FNIP1: variants seen among roughly 807,000 people sequenced by gnomAD.
The protein encoded by FNIP1 is folliculin-interacting protein 1.
In FNIP1, 40 loss-of-function variants were observed where a neutral mutation model predicts 124.5. The ratio of observed to expected loss-of-function variants is 0.32; its 90% CI spans 0.25 to 0.42. The LOEUF is 0.42. FNIP1 is among the 10% of genes least tolerant of loss of function. The pLI, the probability that FNIP1 is intolerant of heterozygous loss-of-function variation, is 1.00. For synonymous variants in FNIP1, 472 were observed against 470.6 expected (o/e 1.00, Z -0.04); for missense variants, 1,176 against 1,403.7 (o/e 0.84, Z 2.59).
At chr5:131,762,052 T>C (rs904814584) in intron 1 of FNIP1, among the ~76,000 whole-genome samples, 3 of 152,136 alleles carry the variant, frequency 2.0e-5, no homozygotes, top group African/African-American at 7.2e-5. Flanking sequence ...TGGATATCCA[T>C]ATGCAGAAGA....
intron 1 of FNIP1, among the ~76,000 whole-genome samples, chr5:131,764,581 G>A (rs1011312837): frequency 6.6e-6 from 1 of 151,856 alleles, no homozygotes; most frequent in East Asian, 1.9e-4. Context: ...CTGGATTAGG[G>A]GTGTCAGGCC....
Position 131,643,909 on chromosome 5 carries a change from T to C in FNIP1, c.*776A>G, listed in dbSNP as rs1485258142. Reference sequence around the variant, plus strand: ...ACAGTTCATACTTATAAACAAATGGTATAAAGTAGTATTCTCATTTTGGGA... The same window carrying C: ...ACAGTTCATACTTATAAACAAATGGCATAAAGTAGTATTCTCATTTTGGGA... On this transcript the variant is annotated 3_prime_UTR_variant, in exon 18 of 18. Transcript: ENST00000510461. 6.6e-6 allele frequency: 1 copy of C among 152,530 alleles called. No homozygotes were observed. Among genetic ancestry groups the C allele is most frequent in the African/African-American group, 2.4e-5 (1 of 41,420 alleles). The allele number at this position is 152,530 out of a possible 1,614,324, so 9.4% of individuals were successfully genotyped here.
chr5:131,681,762 TAAAA>T (rs34881164), intron 11 of FNIP1, among the ~76,000 whole-genome samples: 1 of 109,426 alleles, frequency 9.1e-6, no homozygotes, highest in African/African-American at 3.8e-5. Flanking sequence ...TGCCAATTTC[TAAAA>T]AAAAAAAAAA....
Position 131,796,955 on chromosome 5 carries a change from GGC to G in FNIP1, c.-36_-35del. On this transcript the variant is annotated 5_prime_UTR_variant, in exon 1 of 18. Coordinates refer to ENST00000510461, the MANE Select transcript of FNIP1 (RefSeq NM_133372.3). ...CGGCCAGGCAGGGGTCGCTCCGCTG[GGC>G]GCTTGCTAGGCCCCTGCTCCTACAG... 6.4e-7 allele frequency: 1 copy of G among 1,564,878 alleles called. No homozygotes were observed. The highest frequency in any genetic ancestry group is 8.7e-7 in the Non-Finnish European group (1 of 1,153,386).
intron 1 of FNIP1, chr5:131,796,507 A>G: frequency 2.7e-6 from 1 of 369,532 alleles, no homozygotes; most frequent in Non-Finnish European, 4.9e-6. Flanking sequence ...ACTCGGTGCC[A>G]GGAAGGCGTG....
intron 1 of FNIP1, among the ~76,000 whole-genome samples, chr5:131,748,141 G>T (rs1031701347): frequency 6.6e-5 from 10 of 152,136 alleles, no homozygotes; most frequent in Admixed American, 2.6e-4. Flanking sequence ...GAGAATAGCA[G>T]TTGTTGGGAA....
chr5:131,649,713 G>A (rs1202530075), intron 16 of FNIP1, among the ~76,000 whole-genome samples: 1 of 152,128 alleles, frequency 6.6e-6, no homozygotes, highest in Non-Finnish European at 1.5e-5. Flanking sequence ...AATTCAAGAA[G>A]TCACTGTCAT....
intron 1 of FNIP1, among the ~76,000 whole-genome samples, chr5:131,782,589 A>G (rs1772031451): frequency 6.6e-6 from 1 of 151,936 alleles, no homozygotes; most frequent in South Asian, 2.1e-4. Context: ...AAAGAAAGAA[A>G]AAGAGAAAGG....
rs139646418 is a variant in FNIP1, at chr5:131,769,489, C to A, written c.93-24799G>T. Among the ~76,000 whole-genome samples, 567 of 152,244 alleles carry A rather than the reference C, an allele frequency of 3.7e-3. 4 individuals are homozygous for A. The highest frequency in any genetic ancestry group is 0.013 in the African/African-American group (537 of 41,542). On this transcript the variant is annotated intron_variant, in intron 1 of 17. Transcript: ENST00000510461. ...CTTAAGCAGTTCCACTTTTCAAAATCCCTAAAAACTCCAGTCATGCACAAC... is the reference window on the plus strand; with the variant it reads ...CTTAAGCAGTTCCACTTTTCAAAATACCTAAAAACTCCAGTCATGCACAAC...
At position 131,763,288 on chromosome 5, in the gene FNIP1, TACACACACAC is replaced by T. The variant is rs34544569; in HGVS notation, c.93-18608_93-18599del. Among the ~76,000 whole-genome samples the T allele has an allele frequency of 1.4e-3, 211 of 148,462 alleles. 1 individual carries two copies. The highest frequency in any genetic ancestry group is 4.6e-3 in the East Asian group (23 of 4,996). ...ATCTCACATACTTTGCAAATGCAAATACACACACACACACACACACACACACACACACACA... is the reference window on the plus strand; with the variant it reads ...ATCTCACATACTTTGCAAATGCAAATACACACACACACACACACACACACA... On this transcript the variant is annotated intron_variant, in intron 1 of 17. Transcript: ENST00000510461.
chr5:131,644,459 G>A lies in FNIP1; in HGVS notation c.*226C>T. ...TTTCAAATGCTTCAAAATTATTGTTGCTTTAATTTCATTTGTTTAAAAATC... is the reference window on the plus strand; with the variant it reads ...TTTCAAATGCTTCAAAATTATTGTTACTTTAATTTCATTTGTTTAAAAATC... On this transcript the variant is annotated 3_prime_UTR_variant, in exon 18 of 18. Coordinates refer to ENST00000510461, the MANE Select transcript of FNIP1 (RefSeq NM_133372.3). 1 of 365,750 alleles carries A rather than the reference G, an allele frequency of 2.7e-6. No individual in the cohort carries two copies. The highest frequency in any genetic ancestry group is 5.0e-6 in the Non-Finnish European group (1 of 201,052). 22.7% of individuals were successfully genotyped at this position (365,750 alleles called of 1,614,324 possible).
intron 11 of FNIP1, among the ~76,000 whole-genome samples, chr5:131,691,086 C>T (rs1768464516): frequency 6.6e-6 from 1 of 152,090 alleles, no homozygotes; most frequent in South Asian, 2.1e-4. Flanking sequence ...GAACATTTGC[C>T]AAAATGGACC....
At chr5:131,677,986 CA>C in intron 12 of FNIP1, 114 bp from the exon 13 acceptor site, 29 of 927,274 alleles carry the variant, frequency 3.1e-5, no homozygotes, top group South Asian at 6.2e-5. Flanking sequence ...CAAATGGCAC[CA>C]AAAAAAGGAG....
At chr5:131,746,578 C>T (rs1425377647) in intron 1 of FNIP1, among the ~76,000 whole-genome samples, 2 of 152,170 alleles carry the variant, frequency 1.3e-5, no homozygotes, top group East Asian at 3.8e-4. Flanking sequence ...CCTCCAGCTG[C>T]CTTCGTGTTG....
intron 1 of FNIP1, among the ~76,000 whole-genome samples, chr5:131,747,705 T>C (rs1225647705): frequency 6.6e-6 from 1 of 152,128 alleles, no homozygotes; most frequent in African/African-American, 2.4e-5. Context: ...AGAGGTCAGA[T>C]TCTAGGGGAC....
chr5:131,728,943 C>T lies in FNIP1; in HGVS notation c.354+1961G>A, dbSNP rs573485368. Among the ~76,000 whole-genome samples the T allele has an allele frequency of 7.2e-5, 11 of 152,254 alleles. No homozygotes were observed. The East Asian group carries it at 1.2e-3, about 16-fold the overall frequency. ...TTTCCTTCTACCAGTCAGGCCCCTCCGCTGCAGGTCTGCTGGTGTTTGCTG... is the reference window on the plus strand; with the variant it reads ...TTTCCTTCTACCAGTCAGGCCCCTCTGCTGCAGGTCTGCTGGTGTTTGCTG... On this transcript the variant is annotated intron_variant, in intron 3 of 17. Coordinates refer to ENST00000510461, the MANE Select transcript of FNIP1 (RefSeq NM_133372.3).
intron 13 of FNIP1, chr5:131,677,461 T>C (rs1027444578): frequency 5.0e-6 from 2 of 402,650 alleles, no homozygotes; most frequent in Non-Finnish European, 9.0e-6. Flanking sequence ...CTGAAGTTAC[T>C]AGTAAACGAG....
chr5:131,698,860 G>T, intron 11 of FNIP1, 57 bp downstream of exon 11: 1 of 1,401,658 alleles, frequency 7.1e-7, no homozygotes, highest in Non-Finnish European at 9.7e-7. Flanking sequence ...AAGAAAAAAT[G>T]AATCTTCCTG....
At chr5:131,772,251 G>A (rs1771659933) in intron 1 of FNIP1, among the ~76,000 whole-genome samples, 1 of 152,040 alleles carries the variant, frequency 6.6e-6, no homozygotes, top group Non-Finnish European at 1.5e-5. Context: ...TCGATGTGGG[G>A]GAGAAGAGAA....
Sources: gnomAD v4.1 joint callset for allele counts (sites outside exome capture counted in the v4.1 genomes callset) on GRCh38, gnomAD v4.1.1 for gene constraint, MANE v1.5 for transcripts, NCBI Gene and HGNC (gene_info 2026-07-23, HGNC 2026-07-21) for gene names.